The following ACVR2A variants were observed in gnomAD, a reference collection of about 807,000 sequenced individuals.
ACVR2A encodes the protein activin A receptor type 2A, also known as activin receptor type-2A.
Under a neutral mutation model 61.4 loss-of-function variants are expected in ACVR2A, and 7 were observed. That is an observed-to-expected ratio of 0.11 (90% confidence interval 0.06 to 0.21). The LOEUF (loss-of-function observed/expected upper bound fraction) is 0.21. Ranked by LOEUF, ACVR2A falls within the 10% of genes least tolerant of loss-of-function variation. The pLI, the probability that ACVR2A is intolerant of heterozygous loss-of-function variation, is 1.00. For synonymous variants in ACVR2A, 193 were observed against 208.3 expected, an observed-to-expected ratio of 0.93 and a Z score of 0.63; for missense variants, 322 against 621.7, an observed-to-expected ratio of 0.52 and a Z score of 5.13.
At chr2:147,902,530 T>C (rs1245891807) in intron 4 of ACVR2A, among the ~76,000 whole-genome samples, 1 of 152,002 alleles carries the variant, frequency 6.6e-6, no homozygotes, top group African/African-American at 2.4e-5. Context: ...TATGTAAACA[T>C]TGTCTCACAT....
At chr2:147,921,525 A>C (rs1687381769) in intron 8 of ACVR2A, among the ~76,000 whole-genome samples, 1 of 152,148 alleles carries the variant, frequency 6.6e-6, no homozygotes, top group Admixed American at 6.6e-5. Flanking sequence ...TTTTAATGTC[A>C]TGGCACCACC....
At chr2:147,904,827 A>G (rs1686949320) in intron 4 of ACVR2A, among the ~76,000 whole-genome samples, 1 of 152,082 alleles carries the variant, frequency 6.6e-6, no homozygotes, top group African/African-American at 2.4e-5. Context: ...TTAGAAGAGT[A>G]TACTGCTTCC....
chr2:147,918,324 T>G (rs761047774), intron 6 of ACVR2A, 123 bp from the exon 7 acceptor site: 2 of 764,490 alleles, frequency 2.6e-6, no homozygotes, highest in Non-Finnish European at 3.9e-6. Flanking sequence ...GAAAGATTGT[T>G]TCTTGGATAT....
chr2:147,928,624 G>A lies in ACVR2A; in HGVS notation c.*1350G>A, dbSNP rs1687565953. The A allele has an allele frequency of 6.6e-6, 1 of 152,210 alleles. No individual in the cohort carries two copies. The allele number at this position is 152,210 out of a possible 1,614,324, so 9.4% of individuals were successfully genotyped here. A position where few individuals can be genotyped will look rare whatever the true frequency, so the allele number is the denominator to read the frequency against. On this transcript the variant is annotated 3_prime_UTR_variant, in exon 11 of 11. Coordinates refer to ENST00000241416, the MANE Select transcript of ACVR2A (RefSeq NM_001616.5). ...TTAGAGGTAACCAATGTTGATATAG[G>A]TAGCATAGCCTAGCCTCCTCCCCAA...
At chr2:147,849,330 G>A (rs1472534015) in intron 1 of ACVR2A, among the ~76,000 whole-genome samples, 2 of 152,112 alleles carry the variant, frequency 1.3e-5, no homozygotes, top group African/African-American at 2.4e-5. Flanking sequence ...TCGTGTGTGT[G>A]TGTAACATGT....
chr2:147,908,599 G>A (rs934515615), intron 4 of ACVR2A, among the ~76,000 whole-genome samples: 9 of 152,050 alleles, frequency 5.9e-5, no homozygotes, highest in South Asian at 2.1e-4. Flanking sequence ...CATTGTCCTC[G>A]CATATACTGT....
chr2:147,923,348 G>C (rs1301970213), intron 9 of ACVR2A, among the ~76,000 whole-genome samples: 1 of 151,848 alleles, frequency 6.6e-6, no homozygotes, highest in Non-Finnish European at 1.5e-5. Flanking sequence ...CATACCTTAA[G>C]GTTATTTCCT....
At chr2:147,886,748 A>G (rs1365461708) in intron 1 of ACVR2A, among the ~76,000 whole-genome samples, 1 of 147,596 alleles carries the variant, frequency 6.8e-6, no homozygotes, top group Non-Finnish European at 1.5e-5. Context: ...AGTAAGATGG[A>G]TAGTCTTAGA....
intron 6 of ACVR2A, among the ~76,000 whole-genome samples, chr2:147,918,106 T>C (rs1687295661): frequency 6.6e-6 from 1 of 151,736 alleles, no homozygotes; most frequent in Non-Finnish European, 1.5e-5. Flanking sequence ...ATAACAACTC[T>C]ATAGTCAGGA....
chr2:147,871,189 T>C (rs1181529055), intron 1 of ACVR2A, among the ~76,000 whole-genome samples: 1 of 152,114 alleles, frequency 6.6e-6, no homozygotes, highest in Non-Finnish European at 1.5e-5. Flanking sequence ...TCCCCTGCTT[T>C]ATTAAAAGTC....
At chr2:147,868,970 T>A (rs894832959) in intron 1 of ACVR2A, among the ~76,000 whole-genome samples, 3 of 151,950 alleles carry the variant, frequency 2.0e-5, no homozygotes, top group African/African-American at 7.3e-5. Context: ...AGATAAGATG[T>A]TTTGTTTTGT....
At chr2:147,908,376 C>T (rs1167945110) in intron 4 of ACVR2A, among the ~76,000 whole-genome samples, 2 of 152,166 alleles carry the variant, frequency 1.3e-5, no homozygotes, top group Admixed American at 1.3e-4. Context: ...AGGTGCTCTA[C>T]TTCTTAGGGA....
chr2:147,899,823 G>A lies in ACVR2A; in HGVS notation c.453G>A (p.Ala151=), dbSNP rs963863196. The part of the protein sequence containing the change: ...LYSLVPLMLI[A]GIVICAFWVY... ...CCTTGGTGCCACTTATGTTAATTGC[G>A]GGGATTGTCATTTGTGCATTTTGGG... Residue 151 remains alanine, a synonymous_variant, in exon 4 of 11, where the codon GCG becomes GCA. Transcript: ENST00000241416. 4.5e-5 allele frequency: 72 copies of A among 1,613,558 alleles called. No homozygotes were observed. The highest frequency in any genetic ancestry group is 5.8e-5 in the Non-Finnish European group (69 of 1,179,760).
chr2:147,859,077 A>G (rs1685659201), intron 1 of ACVR2A, among the ~76,000 whole-genome samples: 1 of 152,094 alleles, frequency 6.6e-6, no homozygotes, highest in Non-Finnish European at 1.5e-5. Flanking sequence ...AATTATTGTT[A>G]TATATGTAGG....
At chr2:147,882,054 G>A (rs1471924726) in intron 1 of ACVR2A, among the ~76,000 whole-genome samples, 8 of 152,024 alleles carry the variant, frequency 5.3e-5, no homozygotes, top group African/African-American at 2.4e-5. Flanking sequence ...CTCTCTTTGG[G>A]ACTCTAAAAC....
At chr2:147,873,555 GTGA>G (rs910839532) in intron 1 of ACVR2A, among the ~76,000 whole-genome samples, 1 of 151,876 alleles carries the variant, frequency 6.6e-6, no homozygotes, top group African/African-American at 2.4e-5. Context: ...TTGTGAAATT[GTGA>G]TGATGCCAGG....
At chr2:147,874,117 T>C (rs999218188) in intron 1 of ACVR2A, among the ~76,000 whole-genome samples, 3 of 151,884 alleles carry the variant, frequency 2.0e-5, no homozygotes, top group African/African-American at 7.2e-5. Context: ...AATTTATTGC[T>C]TTGACAGTGA....
intron 4 of ACVR2A, among the ~76,000 whole-genome samples, chr2:147,903,667 C>CT (rs968860918): frequency 6.6e-6 from 1 of 151,918 alleles, no homozygotes; most frequent in African/African-American, 2.4e-5. Flanking sequence ...CCCAAAACAT[C>CT]TGTCATATGC....
At chr2:147,907,855 A>G (rs541251152) in intron 4 of ACVR2A, among the ~76,000 whole-genome samples, 1 of 152,098 alleles carries the variant, frequency 6.6e-6, no homozygotes, top group South Asian at 2.1e-4. Context: ...GGAAAACAAC[A>G]TGGGGAAACC....
Sources: gnomAD v4.1 joint callset for allele counts (sites outside exome capture counted in the v4.1 genomes callset) on GRCh38, gnomAD v4.1.1 for gene constraint, MANE v1.5 for transcripts, NCBI Gene and HGNC (gene_info 2026-07-23, HGNC 2026-07-21) for gene names.